The following STXBP5L variants were observed in gnomAD, a reference collection of about 807,000 sequenced individuals.
STXBP5L encodes the protein syntaxin binding protein 5L.
A neutral mutation model predicts 144.5 loss-of-function variants in STXBP5L; 65 were observed. That is an observed-to-expected ratio of 0.45 (90% confidence interval 0.37 to 0.55). The LOEUF is 0.55. Ranked by LOEUF, STXBP5L falls within the 20% of genes least tolerant of loss-of-function variation. STXBP5L has a pLI of 0.00. For synonymous variants in STXBP5L, 505 were observed against 469.6 expected (o/e 1.08, Z -0.97); for missense variants, 1,298 against 1,405.5 (o/e 0.92, Z 1.22).
chr3:121,042,404 T>C (rs1947223022), intron 4 of STXBP5L, among the ~76,000 whole-genome samples: 1 of 152,184 alleles, frequency 6.6e-6, no homozygotes, highest in African/African-American at 2.4e-5. Flanking sequence ...TACTTTAGGC[T>C]TTCTTAAATC....
intron 22 of STXBP5L, among the ~76,000 whole-genome samples, chr3:121,396,055 A>G (rs538138270): frequency 6.6e-6 from 1 of 152,272 alleles, no homozygotes; most frequent in African/African-American, 2.4e-5. Context: ...TATTTTACCT[A>G]TTTCCCAACT....
intron 2 of STXBP5L, among the ~76,000 whole-genome samples, chr3:120,911,325 G>T (rs915696844): frequency 3.9e-5 from 6 of 152,062 alleles, no homozygotes; most frequent in African/African-American, 1.4e-4. Context: ...GTCATAGGAA[G>T]TACCAGAAGT....
chr3:121,160,390 C>G (rs1559808683), intron 9 of STXBP5L, among the ~76,000 whole-genome samples: 1 of 151,428 alleles, frequency 6.6e-6, no homozygotes, highest in Non-Finnish European at 1.5e-5. Context: ...CAAAAGTGTT[C>G]TGAGAAAAAA....
At chr3:121,030,746 G>C (rs553351934) in intron 3 of STXBP5L, among the ~76,000 whole-genome samples, 16 of 151,624 alleles carry the variant, frequency 1.1e-4, no homozygotes, top group African/African-American at 2.9e-4. Context: ...CTCAGTGTAG[G>C]GCTCAGCCAT....
intron 3 of STXBP5L, among the ~76,000 whole-genome samples, chr3:121,030,411 C>T (rs1453974300): frequency 6.6e-6 from 1 of 152,072 alleles, no homozygotes; most frequent in African/African-American, 2.4e-5. Context: ...TTGTGATTCT[C>T]AGCAAACTAA....
rs565694066 is a variant in STXBP5L at position 121,302,379 on chromosome 3, T to C, written c.2111-16096T>C. The stretch of plus-strand genomic sequence containing the variant: ...ATGGTAGTTTGTATTTCTGTGGGAT[T>C]GGTGGTGATATCCCCTTTATCATTT... On this transcript the variant is annotated intron_variant, in intron 19 of 26. Transcript: ENST00000471454. 4.3e-3 allele frequency among the ~76,000 whole-genome samples: 650 copies of C among 152,202 alleles called. 3 individuals are homozygous for C. Among genetic ancestry groups the C allele is most frequent in the Middle Eastern group, 0.01 (3 of 294 alleles).
chr3:120,935,595 G>C (rs1306775972), intron 2 of STXBP5L, among the ~76,000 whole-genome samples: 5 of 151,936 alleles, frequency 3.3e-5, no homozygotes, highest in African/African-American at 1.2e-4. Flanking sequence ...TGTTCAAGAA[G>C]GTTATTTCTC....
chr3:121,032,430 C>G (rs1012388539), intron 3 of STXBP5L, among the ~76,000 whole-genome samples: 1 of 152,048 alleles, frequency 6.6e-6, no homozygotes, highest in African/African-American at 2.4e-5. Context: ...ACCTTATTAG[C>G]CACTAGGTAA....
intron 20 of STXBP5L, among the ~76,000 whole-genome samples, chr3:121,377,988 C>T (rs1560037339): frequency 6.6e-6 from 1 of 152,112 alleles, no homozygotes; most frequent in Non-Finnish European, 1.5e-5. Flanking sequence ...ACTATGCAGA[C>T]ATAAAAAAGA....
intron 3 of STXBP5L, among the ~76,000 whole-genome samples, chr3:120,997,156 G>A (rs1943417633): frequency 1.3e-5 from 2 of 152,114 alleles, no homozygotes; most frequent in Non-Finnish European, 2.9e-5. Flanking sequence ...TTTCCATGGT[G>A]TATATGTATC....
intron 2 of STXBP5L, among the ~76,000 whole-genome samples, chr3:120,926,401 T>G (rs1576428683): frequency 1.3e-5 from 2 of 151,182 alleles, no homozygotes; most frequent in South Asian, 2.1e-4. Context: ...GCCTATATAG[T>G]TTCCATTGAG....
At chr3:121,126,749 C>T (rs917591340) in intron 7 of STXBP5L, among the ~76,000 whole-genome samples, 3 of 152,138 alleles carry the variant, frequency 2.0e-5, no homozygotes, top group Admixed American at 6.6e-5. Context: ...GTTCTGTAGG[C>T]CAGAAGTTCA....
chr3:121,363,541 T>C (rs1031265598), intron 20 of STXBP5L, among the ~76,000 whole-genome samples: 2 of 152,108 alleles, frequency 1.3e-5, no homozygotes, highest in Non-Finnish European at 2.9e-5. Context: ...AGGACAGCAC[T>C]GATTTCAGTG....
At chr3:121,041,098 TTC>T (rs1017918149) in intron 3 of STXBP5L, among the ~76,000 whole-genome samples, 2 of 152,000 alleles carry the variant, frequency 1.3e-5, no homozygotes, top group Non-Finnish European at 2.9e-5. Context: ...TTCCTTTTTT[TTC>T]TCTCTCTCTT....
At chr3:121,046,033 T>C (rs1242980199) in intron 5 of STXBP5L, among the ~76,000 whole-genome samples, 1 of 152,156 alleles carries the variant, frequency 6.6e-6, no homozygotes, top group Non-Finnish European at 1.5e-5. Context: ...TTTTGAAATA[T>C]GTTCCTTTAA....
intron 5 of STXBP5L, among the ~76,000 whole-genome samples, chr3:121,075,071 G>A (rs1393398158): frequency 2.6e-5 from 4 of 152,094 alleles, no homozygotes; most frequent in Non-Finnish European, 5.9e-5. Context: ...CTAATGAAGT[G>A]GAACCCAGTC....
At chr3:121,345,248 G>A (rs1047645381) in intron 20 of STXBP5L, among the ~76,000 whole-genome samples, 27 of 152,066 alleles carry the variant, frequency 1.8e-4, no homozygotes, top group Non-Finnish European at 1.9e-4. Context: ...CTATGAGTGA[G>A]AACATGCAGT....
chr3:121,078,532 C>T (rs978607731), intron 5 of STXBP5L, among the ~76,000 whole-genome samples: 1 of 152,262 alleles, frequency 6.6e-6, no homozygotes, highest in Admixed American at 6.5e-5. Context: ...CATGCGCCCG[C>T]ACTCCTCAGC....
intron 3 of STXBP5L, among the ~76,000 whole-genome samples, chr3:120,991,465 G>A (rs936575291): frequency 6.6e-5 from 10 of 152,186 alleles, no homozygotes; most frequent in East Asian, 1.9e-4. Flanking sequence ...ATTTGACCCA[G>A]CCATCCCATT....
Sources: allele counts gnomAD v4.1 joint callset (sites outside exome capture counted in the v4.1 genomes callset), GRCh38; gene constraint gnomAD v4.1.1; transcripts MANE v1.5; gene names NCBI Gene and HGNC (gene_info 2026-07-23, HGNC 2026-07-21).